The following SEMA5A variants were observed in gnomAD, a reference collection of about 807,000 sequenced individuals.
SEMA5A encodes the protein semaphorin-5A.
SEMA5A carries 55 observed loss-of-function variants against 135.5 expected under a neutral mutation model. The observed-to-expected ratio is 0.41, with a 90% confidence interval of 0.33 to 0.51. The LOEUF is 0.51. Ranked by LOEUF, SEMA5A falls within the 20% of genes least tolerant of loss-of-function variation. The pLI is 0.37. For synonymous variants in SEMA5A, 580 were observed against 546.5 expected (o/e 1.06, Z -0.85); for missense variants, 1,290 against 1,419.9 (o/e 0.91, Z 1.47).
At chr5:9,322,580 A>G (rs1752677724) in intron 4 of SEMA5A, among the ~76,000 whole-genome samples, 1 of 152,180 alleles carries the variant, frequency 6.6e-6, no homozygotes. Flanking sequence ...CATATTTTTA[A>G]TCTAATAATA....
Position 9,044,133 on chromosome 5 carries a change from A to C in SEMA5A, c.3105+240T>G, listed in dbSNP as rs182618190. ...GGGAAAAGTCAATTGGTGTGTCTCC[A>C]TACAGGTGGTGGAGAATAGAGGCCA... On this transcript the variant is annotated intron_variant, in intron 22 of 22. Coordinates refer to ENST00000382496, the MANE Select transcript of SEMA5A (RefSeq NM_003966.3). Among the ~76,000 whole-genome samples the C allele has an allele frequency of 3.3e-5, 5 of 152,300 alleles. No individual in the cohort carries two copies. The East Asian group carries it at 9.7e-4, about 30-fold the overall frequency.
chr5:9,323,313 C>T (rs1479709026), intron 4 of SEMA5A, among the ~76,000 whole-genome samples: 1 of 152,262 alleles, frequency 6.6e-6, no homozygotes, highest in South Asian at 2.1e-4. Context: ...AAATTTAAAT[C>T]ATTTCCTGAG....
chr5:9,074,817 GC>G (rs2150088740), intron 16 of SEMA5A, among the ~76,000 whole-genome samples: 1 of 152,162 alleles, frequency 6.6e-6, no homozygotes, highest in South Asian at 2.1e-4. Flanking sequence ...AAAAACAAAA[GC>G]CCCCAAACCC....
chr5:9,101,823 G>T (rs1739649765), intron 16 of SEMA5A, among the ~76,000 whole-genome samples: 1 of 152,080 alleles, frequency 6.6e-6, no homozygotes. Context: ...GTCTGCATCT[G>T]TGAGGTTTCA....
At chr5:9,478,895 T>C (rs963315890) in intron 1 of SEMA5A, among the ~76,000 whole-genome samples, 1 of 152,168 alleles carries the variant, frequency 6.6e-6, no homozygotes, top group African/African-American at 2.4e-5. Context: ...TGGGATGATA[T>C]GGCTTGGCTC....
At chr5:9,516,876 T>C (rs1736557659) in intron 1 of SEMA5A, 2 of 152,230 alleles carry the variant, frequency 1.3e-5, no homozygotes, top group Admixed American at 1.3e-4. Flanking sequence ...TCATTCTTAC[T>C]TAAAGAACAC....
rs553551253 is a variant in SEMA5A at position 9,402,184 on chromosome 5, C to A, written c.-77-22161G>T. Among the ~76,000 whole-genome samples the A allele has an allele frequency of 6.6e-5, 10 of 152,300 alleles. No homozygotes were observed. The South Asian group carries it at 1.5e-3, about 22-fold the overall frequency. On this transcript the variant is annotated intron_variant, in intron 2 of 22. Coordinates refer to ENST00000382496, the MANE Select transcript of SEMA5A (RefSeq NM_003966.3). ...TTAACAAGGAGATGCAAGTCACGGCCAGGGACTAGTAAGTTCTGCTATAAA... is the reference window on the plus strand; with the variant it reads ...TTAACAAGGAGATGCAAGTCACGGCAAGGGACTAGTAAGTTCTGCTATAAA...
Position 9,266,563 on chromosome 5 carries a change from T to C in SEMA5A, c.271-28673A>G, listed in dbSNP as rs544119226. ...ACTTTTATCTGGTCCCGTAAGATAG[T>C]GTTAGAAAACAATATTTTATCTTCT... On this transcript the variant is annotated intron_variant, in intron 5 of 22. Coordinates refer to ENST00000382496, the MANE Select transcript of SEMA5A (RefSeq NM_003966.3). Among the ~76,000 whole-genome samples, 7 of 152,364 alleles carry C rather than the reference T, an allele frequency of 4.6e-5. 2 individuals carry two copies. Among genetic ancestry groups the C allele is most frequent in the South Asian group, 2.1e-4 (1 of 4,824 alleles).
At chr5:9,446,835 A>G (rs1455725936) in intron 1 of SEMA5A, among the ~76,000 whole-genome samples, 1 of 152,194 alleles carries the variant, frequency 6.6e-6, no homozygotes, top group Non-Finnish European at 1.5e-5. Flanking sequence ...TTACTTAACT[A>G]TCTCTGTTAA....
At chr5:9,343,487 T>C (rs1324846347) in intron 3 of SEMA5A, among the ~76,000 whole-genome samples, 1 of 152,132 alleles carries the variant, frequency 6.6e-6, no homozygotes, top group Non-Finnish European at 1.5e-5. Flanking sequence ...GGGCATATTC[T>C]CTGTGGAGAA....
intron 5 of SEMA5A, among the ~76,000 whole-genome samples, chr5:9,273,455 C>T (rs542485398): frequency 6.6e-6 from 1 of 152,202 alleles, no homozygotes; most frequent in Admixed American, 6.5e-5. Flanking sequence ...CCTAGCAAGG[C>T]AGGCCAACAT....
chr5:9,263,243 G>A (rs1749500225), intron 5 of SEMA5A, among the ~76,000 whole-genome samples: 1 of 152,074 alleles, frequency 6.6e-6, no homozygotes, highest in African/African-American at 2.4e-5. Context: ...CTAAGTCAGG[G>A]GTCCCCAACA....
intron 17 of SEMA5A, among the ~76,000 whole-genome samples, chr5:9,065,719 ACAAAG>A (rs1737430337): frequency 6.6e-6 from 1 of 152,234 alleles, no homozygotes; most frequent in Non-Finnish European, 1.5e-5. Flanking sequence ...GAAATGAAGA[ACAAAG>A]CAAAGCATCA....
chr5:9,314,350 T>G (rs921984588), intron 5 of SEMA5A, among the ~76,000 whole-genome samples: 6 of 147,172 alleles, frequency 4.1e-5, no homozygotes, highest in Admixed American at 1.4e-4. Flanking sequence ...AAACACACAC[T>G]GGAGTTTGAA....
chr5:9,123,123 G>A (rs1267526578), intron 13 of SEMA5A, among the ~76,000 whole-genome samples: 1 of 151,348 alleles, frequency 6.6e-6, no homozygotes, highest in African/African-American at 2.4e-5. Context: ...GCATGGTGGC[G>A]GGTGCCTGTA....
At chr5:9,369,204 CA>C (rs1465418872) in intron 3 of SEMA5A, among the ~76,000 whole-genome samples, 3 of 152,096 alleles carry the variant, frequency 2.0e-5, no homozygotes, top group African/African-American at 7.2e-5. Context: ...ATGCTGGACA[CA>C]AGACCACATA....
chr5:9,221,064 CT>C (rs1402491505), intron 8 of SEMA5A, among the ~76,000 whole-genome samples: 1 of 152,132 alleles, frequency 6.6e-6, no homozygotes, highest in Admixed American at 6.5e-5. Flanking sequence ...AGACCTACGC[CT>C]TCACCACCCC....
At chr5:9,447,722 A>G (rs1470230900) in intron 1 of SEMA5A, among the ~76,000 whole-genome samples, 1 of 152,238 alleles carries the variant, frequency 6.6e-6, no homozygotes, top group East Asian at 1.9e-4. Context: ...ATAAGCTACA[A>G]CACAACAAAC....
intron 11 of SEMA5A, among the ~76,000 whole-genome samples, chr5:9,169,703 T>C (rs573514218): frequency 1.3e-5 from 2 of 152,278 alleles, no homozygotes; most frequent in South Asian, 4.2e-4. Flanking sequence ...TGGCCTCTAG[T>C]CAGGACTGAC....
Sources: allele counts gnomAD v4.1 joint callset (sites outside exome capture counted in the v4.1 genomes callset), GRCh38; gene constraint gnomAD v4.1.1; transcripts MANE v1.5; gene names NCBI Gene and HGNC (gene_info 2026-07-23, HGNC 2026-07-21).